Variants in PRKAR1A observed in about 807,000 individuals in gnomAD.
The protein encoded by PRKAR1A is protein kinase cAMP-dependent type I regulatory subunit alpha, also known as cAMP-dependent protein kinase type I-alpha regulatory subunit.
Under a neutral mutation model 52.0 loss-of-function variants are expected in PRKAR1A, and 3 were observed. The observed-to-expected ratio is 0.06, with a 90% CI of 0.03 to 0.15. The LOEUF (loss-of-function observed/expected upper bound fraction) is 0.15. Among genes scored for constraint, PRKAR1A ranks in the 10% least tolerant of loss-of-function variants. PRKAR1A has a pLI of 1.00. For synonymous variants in PRKAR1A, 188 were observed against 168.4 expected (o/e 1.12, Z -0.90); for missense variants, 240 against 477.4 (o/e 0.50, Z 4.63).
the PRKAR1A span, among the ~76,000 whole-genome samples, chr17:68,447,984 C>CAAA: frequency 1.2e-5 from 1 of 80,278 alleles, no homozygotes; most frequent in Non-Finnish European, 2.5e-5. Context: ...GACTCTATCT[C>CAAA]AAAAAAAAAA....
chr17:68,420,510 A>G, the PRKAR1A span: 2 of 1,582,262 alleles, frequency 1.3e-6, no homozygotes, highest in South Asian at 2.3e-5. Flanking sequence ...AAATTAGGCA[A>G]GTTTGCTTCC....
At chr17:68,420,447 G>T in the PRKAR1A span, 1 of 1,613,958 alleles carries the variant, frequency 6.2e-7, no homozygotes, top group Non-Finnish European at 8.5e-7. Flanking sequence ...ATTGCCTGCC[G>T]CTGTCAAGCC....
chr17:68,522,126 C>G (rs2143262328), intron 2 of PRKAR1A, among the ~76,000 whole-genome samples: 1 of 152,342 alleles, frequency 6.6e-6, no homozygotes, highest in South Asian at 2.1e-4. Flanking sequence ...TGGTTACCAT[C>G]ACATCATTTC....
At chr17:68,450,214 AC>A in the PRKAR1A span, among the ~76,000 whole-genome samples, 1 of 152,170 alleles carries the variant, frequency 6.6e-6, no homozygotes, top group Non-Finnish European at 1.5e-5. Flanking sequence ...AAAAATGAGA[AC>A]CCAAGGCTGA....
the PRKAR1A span, among the ~76,000 whole-genome samples, chr17:68,436,713 C>G: frequency 6.6e-6 from 1 of 152,134 alleles, no homozygotes. Flanking sequence ...TACAGTGAAA[C>G]AATGAGACTT....
intron 10 of PRKAR1A, 82 bp downstream of exon 10, chr17:68,530,083 G>A (rs1299533792): frequency 6.5e-7 from 1 of 1,534,020 alleles, no homozygotes; most frequent in African/African-American, 1.4e-5. Flanking sequence ...CCATAATTTT[G>A]TCTTCTCCTG....
At chr17:68,547,234 A>G (rs1270869059) in intron 11 of PRKAR1A, among the ~76,000 whole-genome samples, 1 of 152,234 alleles carries the variant, frequency 6.6e-6, no homozygotes, top group Non-Finnish European at 1.5e-5. Context: ...TCACCTAACA[A>G]GAGAGTCAGC....
intron 1 of PRKAR1A, chr17:68,513,137 T>A (rs1600455734): frequency 6.6e-6 from 1 of 151,366 alleles, no homozygotes. Context: ...TTTGCCCCCC[T>A]GAGGCCTCCT....
chr17:68,456,152 G>C, the PRKAR1A span, among the ~76,000 whole-genome samples: 1 of 152,158 alleles, frequency 6.6e-6, no homozygotes, highest in Non-Finnish European at 1.5e-5. Context: ...TGTGGATTGT[G>C]GTCAAGAAAA....
chr17:68,542,924 C>T (rs2086375678), intron 11 of PRKAR1A: 8 of 792,502 alleles, frequency 1.0e-5, no homozygotes, highest in Middle Eastern at 3.0e-4. Flanking sequence ...GGAGGGTGGC[C>T]GGTGAGGCGT....
At chr17:68,450,824 T>C in the PRKAR1A span, 577 of 1,614,110 alleles carry the variant, frequency 3.6e-4, 3 homozygotes, top group African/African-American at 6.8e-3. Flanking sequence ...TCTGCCGTGG[T>C]TTTGTGTGAC....
In PRKAR1A at chr17:68,530,311, T is replaced by C. The variant is rs2085938349; in HGVS notation, c.1008T>C (p.Ala336=). 6.2e-7 allele frequency: 1 copy of C among 1,614,084 alleles called. No individual in the cohort carries two copies. The highest frequency in any genetic ancestry group is 8.5e-7 in the Non-Finnish European group (1 of 1,180,016). Residue 336 remains alanine, a synonymous_variant, in exon 11 of 11, where the codon GCT becomes GCC. Coordinates refer to ENST00000589228, the MANE Select transcript of PRKAR1A (RefSeq NM_002734.5). ...EIALLMNRPR[A]ATVVARGPLK... ...CACTACTGATGAATCGTCCTCGTGC[T>C]GCCACAGTTGTTGCTCGTGGCCCCT...
chr17:68,429,589 G>A, the PRKAR1A span, among the ~76,000 whole-genome samples: 3 of 152,002 alleles, frequency 2.0e-5, no homozygotes, highest in East Asian at 5.8e-4. Flanking sequence ...TTTGGGGCAA[G>A]TTTTCTTTTT....
At chr17:68,551,223 A>G (rs952676330) in exon 12 of PRKAR1A, 20 of 926,526 alleles carry the variant, frequency 2.2e-5, no homozygotes, top group African/African-American at 8.6e-5. Context: ...TAAGGACTCA[A>G]TACATATTAT....
intron 11 of PRKAR1A, chr17:68,543,555 A>AG: frequency 7.6e-7 from 1 of 1,310,810 alleles, no homozygotes; most frequent in Non-Finnish European, 1.1e-6. Context: ...TCCCACCTTG[A>AG]GGGTCTGTCT....
At chr17:68,441,257 A>T in the PRKAR1A span, among the ~76,000 whole-genome samples, 1 of 152,358 alleles carries the variant, frequency 6.6e-6, no homozygotes, top group East Asian at 1.9e-4. Flanking sequence ...TCTCTGACAC[A>T]ACAGGAACGG....
chr17:68,434,449 G>C, the PRKAR1A span: 1 of 1,089,702 alleles, frequency 9.2e-7, no homozygotes, highest in Non-Finnish European at 1.3e-6. Context: ...TCCTCCAGGT[G>C]AGTGGAGGGC....
chr17:68,499,522 C>T, the PRKAR1A span, among the ~76,000 whole-genome samples: 1 of 152,214 alleles, frequency 6.6e-6, no homozygotes, highest in Non-Finnish European at 1.5e-5. Flanking sequence ...GCTGGGACAG[C>T]AAGCCAGGCT....
the PRKAR1A span, chr17:68,440,554 T>C: frequency 6.6e-6 from 1 of 152,222 alleles, no homozygotes; most frequent in African/African-American, 2.4e-5. Context: ...GTTCTGAACA[T>C]CTGAGCATAT....
Sources: allele counts gnomAD v4.1 joint callset (sites outside exome capture counted in the v4.1 genomes callset), GRCh38; gene constraint gnomAD v4.1.1; transcripts MANE v1.5; gene names NCBI Gene and HGNC (gene_info 2026-07-23, HGNC 2026-07-21).